Variants in ZNF804B observed in about 807,000 individuals in gnomAD.
ZNF804B encodes zinc finger protein 804B.
In ZNF804B, 80 loss-of-function variants were observed where a neutral mutation model predicts 101.4. The ratio of observed to expected loss-of-function variants is 0.79; its 90% CI spans 0.66 to 0.95. The LOEUF is 0.95. Ranked by LOEUF, ZNF804B falls within the 40% of genes least tolerant of loss-of-function variation. ZNF804B has a pLI of 0.00. For synonymous variants in ZNF804B, 622 were observed against 558.8 expected, an observed-to-expected ratio of 1.11 and a Z score of -1.59; for missense variants, 1,673 against 1,561.9, an observed-to-expected ratio of 1.07 and a Z score of -1.20.
chr7:89,130,678 C>T lies in ZNF804B; in HGVS notation c.109-87477C>T, dbSNP rs528329944. Among the ~76,000 whole-genome samples the T allele has an allele frequency of 8.6e-5, 13 of 152,012 alleles. No individual in the cohort carries two copies. The East Asian group carries it at 1.6e-3, about 18-fold the overall frequency. ...ACTGGCCCATGCTGAGGAGAGGGGA[C>T]GCCTTTAAAGAATACATTGAACATT... On this transcript the variant is annotated intron_variant, in intron 1 of 3. Transcript: ENST00000333190.
chr7:88,934,354 C>T (rs1164284961), intron 1 of ZNF804B, among the ~76,000 whole-genome samples: 1 of 151,854 alleles, frequency 6.6e-6, no homozygotes, highest in Non-Finnish European at 1.5e-5. Context: ...GGATTCATTC[C>T]TAAGACTCCA....
chr7:89,066,533 G>A (rs1251198140), intron 1 of ZNF804B, among the ~76,000 whole-genome samples: 3 of 152,024 alleles, frequency 2.0e-5, no homozygotes, highest in Non-Finnish European at 4.4e-5. Flanking sequence ...TTGACGCCTG[G>A]CCAAAATTAT....
In ZNF804B at chr7:89,333,946, G is replaced by T; in HGVS notation, c.964G>T (p.Ala322Ser). The change falls in exon 4 of 4, where the codon GCT (alanine) becomes TCT (serine). Residue 322 changes from alanine to serine, a missense_variant. Ala to Ser is a moderately conservative substitution (Grantham distance 99). Transcript: ENST00000333190. ...ETLEDSIGIH[A>S]SFSKSNIHLS... ...ACTAGAAGATTCAATTGGCATTCAT[G>T]CTTCATTCTCTAAATCTAACATTCA... The T allele has an allele frequency of 6.2e-7, 1 of 1,613,534 alleles. No individual in the cohort carries two copies. Among genetic ancestry groups the T allele is most frequent in the Non-Finnish European group, 8.5e-7 (1 of 1,179,742 alleles).
intron 1 of ZNF804B, among the ~76,000 whole-genome samples, chr7:89,038,739 A>C (rs1414034193): frequency 6.6e-6 from 1 of 152,094 alleles, no homozygotes; most frequent in African/African-American, 2.4e-5. Context: ...AATCAGACCA[A>C]TATCAAGAAG....
chr7:89,333,648 T>C lies in ZNF804B; in HGVS notation c.666T>C (p.Thr222=). ...ATCACAGAACAGGAGTATCATTTAC[T>C]TTTTCCAAAAAAGTGCACCTAAAAT... ...NANHRTGVSF[T]FSKKVHLKLE... Residue 222 remains threonine (T), a synonymous_variant, in exon 4 of 4, where the codon ACT becomes ACC. Transcript: ENST00000333190. 6.2e-7 allele frequency: 1 copy of C among 1,613,514 alleles called. No individual in the cohort carries two copies. The highest frequency in any genetic ancestry group is 8.5e-7 in the Non-Finnish European group (1 of 1,179,690).
At chr7:88,821,732 T>A (rs1790984328) in intron 1 of ZNF804B, among the ~76,000 whole-genome samples, 1 of 152,168 alleles carries the variant, frequency 6.6e-6, no homozygotes, top group African/African-American at 2.4e-5. Flanking sequence ...GAAACCACTA[T>A]AGTTTTAAAA....
At chr7:89,168,829 T>A (rs1353575644) in intron 1 of ZNF804B, among the ~76,000 whole-genome samples, 2 of 152,078 alleles carry the variant, frequency 1.3e-5, no homozygotes, top group African/African-American at 4.8e-5. Context: ...ACTTAATTGA[T>A]ACTTGTGAAG....
At chr7:89,143,966 T>G (rs1223646908) in intron 1 of ZNF804B, among the ~76,000 whole-genome samples, 5 of 151,966 alleles carry the variant, frequency 3.3e-5, no homozygotes, top group Admixed American at 1.3e-4. Flanking sequence ...GTAGCTATAT[T>G]CTCTCCAATA....
In ZNF804B at chr7:89,288,272, C is replaced by A. The variant is rs145159285; in HGVS notation, c.250-39072C>A. On this transcript the variant is annotated intron_variant, in intron 2 of 3. Coordinates refer to ENST00000333190, the MANE Select transcript of ZNF804B (RefSeq NM_181646.5). ...AGAATATGAAAATGTGGGTAGAACA[C>A]AGTCAGAAGATCTAACAGATATATA... Among the ~76,000 whole-genome samples, 632 of 152,028 alleles carry A rather than the reference C, an allele frequency of 4.2e-3. 5 individuals carry two copies. The highest frequency in any genetic ancestry group is 0.015 in the African/African-American group (604 of 41,486).
At chr7:89,216,871 T>C (rs73397142) in intron 1 of ZNF804B, among the ~76,000 whole-genome samples, 4,957 of 152,286 alleles carry the variant, frequency 0.033, 250 homozygotes, top group African/African-American at 0.11. Context: ...TAAAATCCAT[T>C]CTTTAGTTTG....
At chr7:89,171,359 C>CTTCTTCTTCT (rs1562904583) in intron 1 of ZNF804B, among the ~76,000 whole-genome samples, 39 of 66,936 alleles carry the variant, frequency 5.8e-4, no homozygotes, top group Admixed American at 1.2e-3. Context: ...CTTCTTCTTC[C>CTTCTTCTTCT]TCCTCTTCCT....
At chr7:89,074,306 G>A (rs2116302504) in intron 1 of ZNF804B, among the ~76,000 whole-genome samples, 1 of 152,296 alleles carries the variant, frequency 6.6e-6, no homozygotes, top group East Asian at 1.9e-4. Context: ...TAGTTTGGCT[G>A]TGCCTCCACC....
At position 88,933,190 on chromosome 7, in the gene ZNF804B, A is replaced by G. The variant is rs537595062; in HGVS notation, c.108+173106A>G. Among the ~76,000 whole-genome samples, 18 of 152,118 alleles carry G rather than the reference A, an allele frequency of 1.2e-4. No homozygotes were observed. In the South Asian group the frequency reaches 1.7e-3, roughly 14 times the overall value. On this transcript the variant is annotated intron_variant, in intron 1 of 3. Transcript: ENST00000333190. ...TGTCACATAAAGAGAATTAAAAACAAAAACCACATGATTATCTCAATAGAT... is the reference window on the plus strand; with the variant it reads ...TGTCACATAAAGAGAATTAAAAACAGAAACCACATGATTATCTCAATAGAT...
At chr7:88,933,256 T>TA (rs1006851043) in intron 1 of ZNF804B, among the ~76,000 whole-genome samples, 8 of 151,728 alleles carry the variant, frequency 5.3e-5, no homozygotes, top group Non-Finnish European at 7.4e-5. Flanking sequence ...CCCTTTATAA[T>TA]AAAAAACCTC....
At position 89,336,285 on chromosome 7, in the gene ZNF804B, G is replaced by C. The variant is rs1223062530; in HGVS notation, c.3303G>C (p.Gln1101His). Reference protein sequence around the residue: ...TQEDQINLDLQDVSMHINHVE... With the variant: ...TQEDQINLDLHDVSMHINHVE... ...AAGACCAAATAAATCTAGACTTACA[G>C]GATGTAAGCATGCATATAAATCATG... The change falls in exon 4 of 4, where the codon CAG (glutamine) becomes CAC (histidine). Residue 1101 changes from glutamine (Q) to histidine (H), a missense_variant. Coordinates refer to ENST00000333190, the MANE Select transcript of ZNF804B (RefSeq NM_181646.5). 6.2e-7 allele frequency: 1 copy of C among 1,613,668 alleles called. No homozygotes were observed. The highest frequency in any genetic ancestry group is 2.2e-5 in the East Asian group (1 of 44,862).
chr7:89,172,455 A>G (rs1266329518), intron 1 of ZNF804B, among the ~76,000 whole-genome samples: 2 of 152,174 alleles, frequency 1.3e-5, no homozygotes, highest in African/African-American at 4.8e-5. Context: ...ATCTATACAC[A>G]GGAGGTCATT....
chr7:89,103,048 GTTTTTTTTTTTT>G (rs56693128), intron 1 of ZNF804B, among the ~76,000 whole-genome samples: 1,481 of 33,726 alleles, frequency 0.044, 20 homozygotes, highest in African/African-American at 0.097. Flanking sequence ...CTATGTGTCT[GTTTTTTTTTTTT>G]TTTTTTTTTT....
intron 1 of ZNF804B, among the ~76,000 whole-genome samples, chr7:89,077,481 A>G (rs1199681433): frequency 6.6e-6 from 1 of 152,166 alleles, no homozygotes; most frequent in East Asian, 1.9e-4. Flanking sequence ...GGTATTGTTT[A>G]GAGAAAGATA....
At chr7:88,970,091 A>C (rs1793509352) in intron 1 of ZNF804B, among the ~76,000 whole-genome samples, 1 of 146,076 alleles carries the variant, frequency 6.8e-6, no homozygotes, top group Non-Finnish European at 1.5e-5. Context: ...TTCCTTTTTT[A>C]CTTCTCCATC....
Sources: gnomAD v4.1 joint callset for allele counts (sites outside exome capture counted in the v4.1 genomes callset) on GRCh38, gnomAD v4.1.1 for gene constraint, MANE v1.5 for transcripts, NCBI Gene and HGNC (gene_info 2026-07-23, HGNC 2026-07-21) for gene names.